USP20: variants seen among roughly 807,000 people sequenced by gnomAD.
USP20 encodes ubiquitin carboxyl-terminal hydrolase 20.
In USP20, 80 loss-of-function variants were observed where a neutral mutation model predicts 124.2. The observed-to-expected ratio is 0.64, with a 90% CI of 0.54 to 0.78. The LOEUF (loss-of-function observed/expected upper bound fraction) is 0.78, where lower values mean the gene tolerates loss of function less well. USP20 is among the 30% of genes least tolerant of loss of function. USP20 has a pLI of 0.00. For missense variants in USP20, 1,043 were observed against 1,244.4 expected, an observed-to-expected ratio of 0.84 and a Z score of 2.44; for synonymous variants, 481 against 512.3, an observed-to-expected ratio of 0.94 and a Z score of 0.83.
In USP20 at chr9:129,875,379, C is replaced by T. The variant is rs2034341647; in HGVS notation, c.2118C>T (p.Ser706=). ...VVSLAAMREP[S]LLRFYVSREW... The stretch of plus-strand genomic sequence containing the variant: ...CCCTGGCCGCCATGCGGGAGCCCAG[C>T]CTGCTGCGGTTCTACGTGTCCCGCG... The change falls in exon 20 of 26, where the codon AGC becomes AGT. Residue 706 remains serine, a synonymous_variant. Transcript: ENST00000372429. 2 of 1,613,354 alleles carry T rather than the reference C, an allele frequency of 1.2e-6. No individual in the cohort carries two copies. Among genetic ancestry groups the T allele is most frequent in the Non-Finnish European group, 1.7e-6 (2 of 1,179,908 alleles).
chr9:129,855,928 G>A (rs2033190673), intron 3 of USP20, among the ~76,000 whole-genome samples: 1 of 152,170 alleles, frequency 6.6e-6, no homozygotes, highest in Non-Finnish European at 1.5e-5. Context: ...TGGCGCCCTT[G>A]TCTAATGGGG....
intron 6 of USP20, among the ~76,000 whole-genome samples, chr9:129,859,565 C>T (rs2033427395): frequency 6.6e-6 from 1 of 152,132 alleles, no homozygotes; most frequent in South Asian, 2.1e-4. Context: ...GGAGCCACCG[C>T]ACCTGGCCTC....
chr9:129,867,756 T>C (rs1026927211), intron 10 of USP20, among the ~76,000 whole-genome samples: 1 of 152,214 alleles, frequency 6.6e-6, no homozygotes. Flanking sequence ...CATACCTGGC[T>C]CTGACACTTT....
intron 2 of USP20, among the ~76,000 whole-genome samples, chr9:129,851,208 G>A (rs1307876335): frequency 1.3e-5 from 2 of 151,258 alleles, no homozygotes; most frequent in African/African-American, 4.9e-5. Flanking sequence ...TGTACCCTAA[G>A]GTCCTTTGTA....
chr9:129,874,942 G>A lies in USP20; in HGVS notation c.2035G>A (p.Val679Ile), dbSNP rs897767550. The A allele has an allele frequency of 1.3e-5, 21 of 1,613,738 alleles. No homozygotes were observed. Among genetic ancestry groups the A allele is most frequent in the East Asian group, 2.2e-5 (1 of 44,896 alleles). ...GGTGGTGCAGAACGCCGAGGGCTAC[G>A]TACTCTTCTACAGGTGGGCGCTGGG... Reference protein sequence around the residue: ...ETVVQNAEGYVLFYRKSSEEA... With the variant: ...ETVVQNAEGYILFYRKSSEEA... Residue 679 changes from valine to isoleucine, a missense_variant, in exon 19 of 26, where the codon GTA becomes ATA. Coordinates refer to ENST00000372429, the MANE Select transcript of USP20 (RefSeq NM_001110303.4).
chr9:129,842,721 G>A (rs1023530410), intron 1 of USP20, among the ~76,000 whole-genome samples: 4 of 151,782 alleles, frequency 2.6e-5, no homozygotes, highest in Admixed American at 2.6e-4. Context: ...AGCCTCCTGA[G>A]TAGCTGGGCT....
At chr9:129,870,281 C>A (rs988023539) in intron 14 of USP20, 172 bp from the exon 15 acceptor site, 2 of 636,850 alleles carry the variant, frequency 3.1e-6, no homozygotes, top group Non-Finnish European at 5.6e-6. Flanking sequence ...CGGCCCAGGA[C>A]ACGGACGTGT....
At chr9:129,861,127 C>T in intron 7 of USP20, 94 bp downstream of exon 7, 1 of 1,161,514 alleles carries the variant, frequency 8.6e-7, no homozygotes, top group South Asian at 1.3e-5. Flanking sequence ...TCTATTTGCA[C>T]CTGCTATATG....
Position 129,858,113 on chromosome 9 carries a change from G to T in USP20, c.198+1G>T, listed in dbSNP as rs2033312533. The T allele has an allele frequency of 6.2e-7, 1 of 1,613,694 alleles. No individual in the cohort carries two copies. The highest frequency in any genetic ancestry group is 8.5e-7 in the Non-Finnish European group (1 of 1,180,020). ...TGACCACAGCACCATTCATGCACAG[G>T]TGAGTGTGGTGGCTGAGAGTATGGG... On this transcript the variant is annotated splice_donor_variant, in intron 5 of 25. Transcript: ENST00000372429. LOFTEE classifies it high-confidence loss of function.
chr9:129,869,696 C>T lies in USP20; in HGVS notation c.1417C>T (p.Gln473Ter). 2 of 1,614,132 alleles carry T rather than the reference C, an allele frequency of 1.2e-6. No individual in the cohort carries two copies. Among genetic ancestry groups the T allele is most frequent in the Non-Finnish European group, 1.7e-6 (2 of 1,180,036 alleles). Residue 473 changes from glutamine (Q) to a stop codon, truncating the protein, a stop_gained, in exon 14 of 26, where the codon CAG becomes TAG. Transcript: ENST00000372429. LOFTEE classifies it high-confidence loss of function. ...GGTATCCACCACAGTGGAAACGTTC[C>T]AGGACTTATCACTGCCCATTCCTGG... ...DRVSTTVETF[Q>*]DLSLPIPGKE... is the part of the protein sequence containing the mutation.
chr9:129,859,864 G>A (rs1363375607), intron 6 of USP20, among the ~76,000 whole-genome samples: 1 of 151,992 alleles, frequency 6.6e-6, no homozygotes, highest in Admixed American at 6.5e-5. Context: ...GTGAGACCCT[G>A]TCTCTACAAA....
At chr9:129,876,638 CAAA>C (rs5900872) in intron 22 of USP20, among the ~76,000 whole-genome samples, 43 of 126,670 alleles carry the variant, frequency 3.4e-4, no homozygotes, top group Non-Finnish European at 3.4e-4. Flanking sequence ...GACTCCATCT[CAAA>C]AAAAAAAAAA....
chr9:129,875,256 G>A, intron 19 of USP20, 54 bp from the exon 20 acceptor site: 1 of 1,531,332 alleles, frequency 6.5e-7, no homozygotes, highest in East Asian at 2.3e-5. Context: ...CTCTGCATGT[G>A]TCTGAAGGTG....
intron 3 of USP20, among the ~76,000 whole-genome samples, chr9:129,854,881 G>A (rs1483004901): frequency 1.3e-5 from 2 of 152,178 alleles, no homozygotes; most frequent in Non-Finnish European, 2.9e-5. Context: ...AACACAGCTG[G>A]AATCTGGGTG....
intron 15 of USP20, among the ~76,000 whole-genome samples, chr9:129,872,174 A>G (rs560119299): frequency 1.3e-5 from 2 of 149,848 alleles, no homozygotes; most frequent in Non-Finnish European, 3.0e-5. Flanking sequence ...TTTTCTTGAG[A>G]CAGAGTCTCA....
At position 129,881,330 on chromosome 9, in the gene USP20, G is replaced by C. The variant is rs964601193; in HGVS notation, c.*880G>C. ...GTGCAGAGCCCACCTGGAGGGATGT[G>C]GGGGCTGTGCAGGGTGCAGCGCTCA... On this transcript the variant is annotated 3_prime_UTR_variant, in exon 26 of 26. Coordinates refer to ENST00000372429, the MANE Select transcript of USP20 (RefSeq NM_001110303.4). 2 of 152,318 alleles carry C rather than the reference G, an allele frequency of 1.3e-5. No individual in the cohort carries two copies. Among genetic ancestry groups the C allele is most frequent in the African/African-American group, 2.4e-5 (1 of 41,464 alleles). 9.4% of individuals were successfully genotyped at this position (152,318 alleles called of 1,614,324 possible). A position where few individuals can be genotyped will look rare whatever the true frequency, so the allele number is the denominator to read the frequency against.
intron 3 of USP20, among the ~76,000 whole-genome samples, chr9:129,854,644 T>TG (rs2033118120): frequency 2.9e-5 from 1 of 34,834 alleles, no homozygotes. Context: ...ATAACTGAAA[T>TG]GGAAAAAAAA....
At chr9:129,872,476 G>A (rs530896443) in intron 15 of USP20, among the ~76,000 whole-genome samples, 1 of 152,220 alleles carries the variant, frequency 6.6e-6, no homozygotes, top group South Asian at 2.1e-4. Context: ...AGTTCTTTAT[G>A]TGTCCAGATA....
intron 3 of USP20, among the ~76,000 whole-genome samples, chr9:129,853,128 C>G (rs1481145754): frequency 6.6e-6 from 1 of 152,210 alleles, no homozygotes; most frequent in Non-Finnish European, 1.5e-5. Context: ...AAGTCCTTCT[C>G]TCACCCCTGT....
Sources: gnomAD v4.1 joint callset for allele counts (sites outside exome capture counted in the v4.1 genomes callset) on GRCh38, gnomAD v4.1.1 for gene constraint, MANE v1.5 for transcripts, NCBI Gene and HGNC (gene_info 2026-07-23, HGNC 2026-07-21) for gene names.